DOCK4: variants seen among roughly 807,000 people sequenced by gnomAD.
DOCK4 encodes dedicator of cytokinesis 4.
In DOCK4, 97 loss-of-function variants were observed where a neutral mutation model predicts 268.1. The observed-to-expected ratio is 0.36, with a 90% confidence interval of 0.31 to 0.43. The LOEUF is 0.43. Ranked by LOEUF, DOCK4 falls within the 20% of genes least tolerant of loss-of-function variation. The probability of loss-of-function intolerance (pLI) is 1.00; values close to 1 mark genes in which losing one functional copy is unlikely to be tolerated. For missense variants in DOCK4, 2,145 were observed against 2,455.7 expected (o/e 0.87, Z 2.67); for synonymous variants, 954 against 887.2 (o/e 1.08, Z -1.34).
chr7:111,758,835 A>T (rs1216792323), intron 40 of DOCK4, 45 bp from the exon 41 acceptor site: 2 of 1,596,834 alleles, frequency 1.3e-6, no homozygotes, highest in Non-Finnish European at 1.7e-6. Flanking sequence ...GGCAAACTCC[A>T]TGGAAGTCTG....
intron 36 of DOCK4, among the ~76,000 whole-genome samples, chr7:111,775,757 G>T (rs975237858): frequency 1.3e-5 from 2 of 152,138 alleles, no homozygotes; most frequent in Non-Finnish European, 2.9e-5. Context: ...TGGCAGTGGG[G>T]GCAGTGGCAG....
chr7:111,936,456 G>C (rs951305328), intron 11 of DOCK4, among the ~76,000 whole-genome samples: 1 of 151,888 alleles, frequency 6.6e-6, no homozygotes, highest in Non-Finnish European at 1.5e-5. Context: ...TTTGAATGCT[G>C]TGGATGCTTA....
At chr7:112,134,404 T>C (rs1389575433) in intron 1 of DOCK4, among the ~76,000 whole-genome samples, 2 of 152,224 alleles carry the variant, frequency 1.3e-5, no homozygotes, top group Non-Finnish European at 2.9e-5. Context: ...TTTTTACTTA[T>C]GTCTTTAAAT....
intron 7 of DOCK4, among the ~76,000 whole-genome samples, chr7:111,983,855 C>T (rs543348446): frequency 1.3e-4 from 14 of 104,750 alleles, no homozygotes; most frequent in South Asian, 1.1e-3. Context: ...CGCGCGCGCG[C>T]GCGCGCGCAC....
chr7:111,810,870 T>A (rs559314412), intron 28 of DOCK4, among the ~76,000 whole-genome samples: 1 of 151,476 alleles, frequency 6.6e-6, no homozygotes, highest in African/African-American at 2.4e-5. Context: ...GGCATGGTGG[T>A]GTGTGCCTGT....
At chr7:112,034,188 C>A (rs1265808373) in intron 1 of DOCK4, among the ~76,000 whole-genome samples, 1 of 152,098 alleles carries the variant, frequency 6.6e-6, no homozygotes, top group Non-Finnish European at 1.5e-5. Context: ...AACCAGGTAA[C>A]CATAGTGGAA....
At chr7:111,828,871 AAT>A (rs1491244295) in intron 26 of DOCK4, among the ~76,000 whole-genome samples, 2 of 137,300 alleles carry the variant, frequency 1.5e-5, no homozygotes, top group Admixed American at 1.4e-4. Flanking sequence ...TAACACTAAA[AAT>A]GTGTGTGTGT....
At chr7:112,066,497 C>CCTCT (rs750323799) in intron 1 of DOCK4, among the ~76,000 whole-genome samples, 1 of 129,962 alleles carries the variant, frequency 7.7e-6, no homozygotes. Flanking sequence ...TCTCTCTCTC[C>CCTCT]CTCTCTCTCT....
At chr7:112,178,797 C>T (rs1818742686) in intron 1 of DOCK4, among the ~76,000 whole-genome samples, 2 of 152,186 alleles carry the variant, frequency 1.3e-5, no homozygotes, top group East Asian at 1.9e-4. Context: ...TCATTCCTCT[C>T]GTTCATCCTC....
chr7:112,039,964 C>G (rs944150137), intron 1 of DOCK4, among the ~76,000 whole-genome samples: 2 of 152,058 alleles, frequency 1.3e-5, no homozygotes, highest in African/African-American at 4.8e-5. Flanking sequence ...ATTGTAATTG[C>G]CTTATTCATA....
At chr7:112,026,942 T>G (rs2135438187) in intron 1 of DOCK4, among the ~76,000 whole-genome samples, 1 of 152,294 alleles carries the variant, frequency 6.6e-6, no homozygotes, top group Non-Finnish European at 1.5e-5. Context: ...TGAAAGTGAC[T>G]CGAGGTGGGA....
chr7:112,109,262 A>AAAAC (rs1268202427), intron 1 of DOCK4, among the ~76,000 whole-genome samples: 1 of 152,078 alleles, frequency 6.6e-6, no homozygotes, highest in Non-Finnish European at 1.5e-5. Flanking sequence ...AAAACAAAAC[A>AAAAC]AAACAAACAA....
chr7:111,772,419 C>T (rs996213732), intron 36 of DOCK4, among the ~76,000 whole-genome samples: 2 of 151,784 alleles, frequency 1.3e-5, no homozygotes, highest in African/African-American at 4.8e-5. Context: ...AATGGTAGCA[C>T]GACAATGTGA....
At chr7:111,819,385 AGTT>A (rs1477628352) in intron 27 of DOCK4, 1 of 152,216 alleles carries the variant, frequency 6.6e-6, no homozygotes, top group African/African-American at 2.4e-5. Flanking sequence ...TAGATTGAGC[AGTT>A]GTTGTCATCA....
At chr7:111,756,297 C>T (rs957122151) in intron 41 of DOCK4, among the ~76,000 whole-genome samples, 4 of 152,074 alleles carry the variant, frequency 2.6e-5, no homozygotes, top group South Asian at 2.1e-4. Context: ...TGCAGTAAGC[C>T]GAGATCGCCC....
intron 1 of DOCK4, among the ~76,000 whole-genome samples, chr7:112,185,069 G>C (rs538676486): frequency 6.6e-6 from 1 of 152,126 alleles, no homozygotes; most frequent in Non-Finnish European, 1.5e-5. Context: ...GAAAGAAACT[G>C]ACATGGGCTA....
At chr7:111,996,385 AC>A (rs1799958298) in intron 4 of DOCK4, among the ~76,000 whole-genome samples, 1 of 152,190 alleles carries the variant, frequency 6.6e-6, no homozygotes, top group Non-Finnish European at 1.5e-5. Context: ...GTAAGTAGTT[AC>A]CTCTGAAATT....
At chr7:111,995,437 G>GTT (rs1799874263) in intron 4 of DOCK4, among the ~76,000 whole-genome samples, 2 of 99,244 alleles carry the variant, frequency 2.0e-5, no homozygotes, top group African/African-American at 9.3e-5. Context: ...GTGTGTGTGT[G>GTT]TGTGTGTGTG....
intron 1 of DOCK4, among the ~76,000 whole-genome samples, chr7:112,177,886 T>C (rs2116666656): frequency 6.6e-6 from 1 of 152,350 alleles, no homozygotes; most frequent in East Asian, 1.9e-4. Flanking sequence ...TTATGCTCTA[T>C]GGACACCATG....
Sources: gnomAD v4.1 joint callset for allele counts (sites outside exome capture counted in the v4.1 genomes callset) on GRCh38, gnomAD v4.1.1 for gene constraint, MANE v1.5 for transcripts, NCBI Gene and HGNC (gene_info 2026-07-23, HGNC 2026-07-21) for gene names.